The following PCDH11Y variants were observed in gnomAD, a reference collection of about 807,000 sequenced individuals.
PCDH11Y encodes the protein protocadherin-11 Y-linked.
For synonymous variants in PCDH11Y, 9 were observed against 83.6 expected, an observed-to-expected ratio of 0.11 and a Z score of 4.87; for missense variants, 12 against 224.8, an observed-to-expected ratio of 0.05 and a Z score of 6.05.
chrY:5,677,486 A>G, intron 4 of PCDH11Y, among the ~76,000 whole-genome samples: 1 of 32,269 alleles, frequency 3.1e-5, no homozygotes, highest in Non-Finnish European at 7.6e-5. Flanking sequence ...TTCCCTGCCC[A>G]TTTTTCTATG....
intron 1 of PCDH11Y, among the ~76,000 whole-genome samples, chrY:5,003,595 G>T: frequency 6.0e-5 from 2 of 33,404 alleles, no homozygotes; most frequent in Admixed American, 2.7e-4. Context: ...GTTGCGGAAA[G>T]GCTCTATCCA....
At chrY:5,330,893 C>T in intron 2 of PCDH11Y, among the ~76,000 whole-genome samples, 1 of 33,391 alleles carries the variant, frequency 3.0e-5, no homozygotes, top group Non-Finnish European at 7.4e-5. Flanking sequence ...TTTACTCAGA[C>T]GTTTTGTTCT....
chrY:5,139,648 CA>C (rs3884264), intron 2 of PCDH11Y, among the ~76,000 whole-genome samples: 5 of 4,659 alleles, frequency 1.1e-3, no homozygotes, highest in Admixed American at 4.4e-3. Context: ...ACAGCAGCTG[CA>C]AAAAAAAAAA....
chrY:5,644,950 A>G (rs2053525997), intron 4 of PCDH11Y, among the ~76,000 whole-genome samples: 1 of 32,974 alleles, frequency 3.0e-5, no homozygotes, highest in African/African-American at 1.2e-4. Context: ...CCTTACAAAT[A>G]TTATAACAAT....
At chrY:5,115,802 G>T in intron 2 of PCDH11Y, among the ~76,000 whole-genome samples, 1 of 20,458 alleles carries the variant, frequency 4.9e-5, no homozygotes, top group African/African-American at 2.1e-4. Context: ...GTGCAGTGGT[G>T]CGATCTCGGC....
chrY:5,101,365 T>C (rs2052779092), exon 2 of PCDH11Y: 1 of 120,141 alleles, frequency 8.3e-6, no homozygotes, highest in Non-Finnish European at 1.1e-5. Context: ...ATATATGAGG[T>C]CTCTACTTTA....
chrY:5,602,625 A>T (rs2053473682), intron 4 of PCDH11Y, among the ~76,000 whole-genome samples: 28 of 30,752 alleles, frequency 9.1e-4, no homozygotes, highest in African/African-American at 3.5e-3. Context: ...AAGTTTTGTG[A>T]GTTTATTTGG....
chrY:5,450,612 C>T (rs2053292402), intron 2 of PCDH11Y, among the ~76,000 whole-genome samples: 1 of 33,133 alleles, frequency 3.0e-5, no homozygotes, highest in Non-Finnish European at 7.5e-5. Context: ...TTATTTCAGC[C>T]TTGTAAATTT....
At chrY:5,108,524 G>T, downstream of PCDH11Y, among the ~76,000 whole-genome samples, 1 of 31,291 alleles carries the variant, frequency 3.2e-5, no homozygotes, top group Non-Finnish European at 7.7e-5. Flanking sequence ...AAGGCGGGAG[G>T]ATCACGAGGT....
chrY:5,045,207 C>T lies in PCDH11Y; in HGVS notation c.33-11682C>T, dbSNP rs2052631481. 2.7e-4 allele frequency among the ~76,000 whole-genome samples: 9 copies of T among 33,235 alleles called. No individual in the cohort carries two copies. The South Asian group carries it at 4.7e-3, about 17-fold the overall frequency. 89.2% of individuals were successfully genotyped at this position (33,235 alleles called of 37,273 possible). A position where few individuals can be genotyped will look rare whatever the true frequency, so the allele number is the denominator to read the frequency against. ...AGTTGATGCAGTTTCTTTCTAGTCT[C>T]GATAGTCTTTACATTTTGGCATGAT... On this transcript the variant is annotated intron_variant, in intron 3 of 5. Coordinates refer to the PCDH11Y transcript ENST00000333703.
At chrY:5,175,365 C>CT (rs2052892217) in intron 2 of PCDH11Y, among the ~76,000 whole-genome samples, 14 of 25,905 alleles carry the variant, frequency 5.4e-4, no homozygotes, top group East Asian at 1.1e-3. Flanking sequence ...TTGGAAATTT[C>CT]TTTTTTTTTT....
chrY:5,068,364 G>T, intron 1 of PCDH11Y, among the ~76,000 whole-genome samples: 1 of 32,659 alleles, frequency 3.1e-5, no homozygotes, highest in Non-Finnish European at 7.5e-5. Context: ...GTTATCAGTC[G>T]GTGCTTCTTA....
At chrY:5,241,233 GAAC>G (rs2052987893) in intron 2 of PCDH11Y, among the ~76,000 whole-genome samples, 1 of 32,601 alleles carries the variant, frequency 3.1e-5, no homozygotes, top group Non-Finnish European at 7.4e-5. Context: ...TGGCTGAAGG[GAAC>G]GTTGTGGATG....
intron 2 of PCDH11Y, among the ~76,000 whole-genome samples, chrY:5,244,155 T>C (rs2052992471): frequency 1.8e-3 from 60 of 33,665 alleles, no homozygotes; most frequent in Non-Finnish European, 3.9e-3. Context: ...CTGAATAACC[T>C]GCTCCTGAAT....
chrY:5,046,026 A>G, intron 3 of PCDH11Y, among the ~76,000 whole-genome samples: 1 of 32,899 alleles, frequency 3.0e-5, no homozygotes, highest in Non-Finnish European at 7.5e-5. Flanking sequence ...AATTTTTTTC[A>G]AAGTTTTCAA....
chrY:5,621,227 C>T, intron 4 of PCDH11Y, among the ~76,000 whole-genome samples: 2 of 32,266 alleles, frequency 6.2e-5, no homozygotes, highest in African/African-American at 2.4e-4. Context: ...GTGCAAAAAT[C>T]GCTAGCATCC....
At chrY:5,104,449 A>G, downstream of PCDH11Y, 1 of 369,191 alleles carries the variant, frequency 2.7e-6, no homozygotes. Context: ...TGTGATTTCA[A>G]AATTAGGCTA....
intron 2 of PCDH11Y, among the ~76,000 whole-genome samples, chrY:5,398,120 A>G: frequency 3.0e-5 from 1 of 33,533 alleles, no homozygotes; most frequent in African/African-American, 1.2e-4. Flanking sequence ...AATGAGTCTT[A>G]TTTTTACATG....
chrY:5,698,549 G>A, intron 4 of PCDH11Y, among the ~76,000 whole-genome samples: 1 of 32,838 alleles, frequency 3.0e-5, no homozygotes, highest in South Asian at 6.9e-4. Context: ...TTGTCTGCCT[G>A]TCTAATTTTG....
Sources: gnomAD v4.1 joint callset for allele counts (sites outside exome capture counted in the v4.1 genomes callset) on GRCh38, gnomAD v4.1.1 for gene constraint, MANE v1.5 for transcripts, NCBI Gene and HGNC (gene_info 2026-07-23, HGNC 2026-07-21) for gene names.